The following FIGNL2 variants were observed in gnomAD, a reference collection of about 807,000 sequenced individuals.
FIGNL2 encodes the protein fidgetin like 2, also known as fidgetin-like protein 2.
For synonymous variants in FIGNL2, 565 were observed against 484.0 expected, an observed-to-expected ratio of 1.17 and a Z score of -2.20; for missense variants, 1,060 against 950.2, an observed-to-expected ratio of 1.12 and a Z score of -1.52.
intron 1 of FIGNL2, among the ~76,000 whole-genome samples, chr12:51,836,403 G>C (rs1268465302): frequency 6.6e-6 from 1 of 152,026 alleles, no homozygotes; most frequent in Non-Finnish European, 1.5e-5. Context: ...GGACAGATGG[G>C]GGCCAGCAGA....
chr12:51,843,669 G>A (rs1939698505), intron 1 of FIGNL2, among the ~76,000 whole-genome samples: 1 of 152,216 alleles, frequency 6.6e-6, no homozygotes, highest in Non-Finnish European at 1.5e-5. Context: ...AGGGGACAGA[G>A]GGAGGTATGC....
rs1361754693 is a variant in FIGNL2, at chr12:51,820,848, G to A, written c.1566C>T (p.Cys522=). ...CCAGCACGCCGTCAGCCCCCGCGCCGCAGCCCCCGTCCAGGCAGGCCAGGA... is the reference window on the plus strand; with the variant it reads ...CCAGCACGCCGTCAGCCCCCGCGCCACAGCCCCCGTCCAGGCAGGCCAGGA... ...VPLLACLDGG[C]GAGADGVLVV... Residue 522 remains cysteine, a synonymous_variant, in exon 2 of 2, where the codon TGC becomes TGT. Transcript: ENST00000618634. The A allele has an allele frequency of 7.6e-6, 11 of 1,454,328 alleles. No individual in the cohort carries two copies. Among genetic ancestry groups the A allele is most frequent in the East Asian group, 3.1e-5 (1 of 32,600 alleles). The allele number at this position is 1,454,328 out of a possible 1,614,324, so 90.1% of individuals were successfully genotyped here. A position where few individuals can be genotyped will look rare whatever the true frequency, so the allele number is the denominator to read the frequency against.
intron 1 of FIGNL2, among the ~76,000 whole-genome samples, chr12:51,830,850 G>A (rs867738726): frequency 6.6e-6 from 1 of 151,962 alleles, no homozygotes; most frequent in East Asian, 1.9e-4. Context: ...GTGCAGTGGC[G>A]AGATCACCAC....
chr12:51,834,679 C>T (rs572769430), intron 1 of FIGNL2, among the ~76,000 whole-genome samples: 119 of 152,326 alleles, frequency 7.8e-4, no homozygotes, highest in Non-Finnish European at 1.2e-3. Context: ...TCTGTGTACG[C>T]GTGCACACGC....
chr12:51,835,284 C>T (rs1343584663), intron 1 of FIGNL2: 1 of 152,224 alleles, frequency 6.6e-6, no homozygotes, highest in Non-Finnish European at 1.5e-5. Context: ...CTGCCATGCT[C>T]TCCTTGCATG....
chr12:51,843,857 T>G (rs1201747792), intron 1 of FIGNL2, among the ~76,000 whole-genome samples: 1 of 152,030 alleles, frequency 6.6e-6, no homozygotes, highest in Non-Finnish European at 1.5e-5. Flanking sequence ...GAGGATCACT[T>G]GAAGCCAGGA....
Position 51,820,267 on chromosome 12 carries a change from T to A in FIGNL2, c.*185A>T. ...ACCTGAGTACACGGCGCATATGGCATCTGCCTGGCAGAAGCATTTTCCTTC... is the reference window on the plus strand; with the variant it reads ...ACCTGAGTACACGGCGCATATGGCAACTGCCTGGCAGAAGCATTTTCCTTC... On this transcript the variant is annotated 3_prime_UTR_variant, in exon 2 of 2. Coordinates refer to ENST00000618634, the MANE Select transcript of FIGNL2 (RefSeq NM_001384995.1). 1 of 764,726 alleles carries A rather than the reference T, an allele frequency of 1.3e-6. No homozygotes were observed. Among genetic ancestry groups the A allele is most frequent in the Non-Finnish European group, 2.0e-6 (1 of 495,948 alleles). The allele number at this position is 764,726 out of a possible 1,614,324, so 47.4% of individuals were successfully genotyped here.
In FIGNL2 at chr12:51,819,863, A is replaced by C. The variant is rs1393931380; in HGVS notation, c.*589T>G. On this transcript the variant is annotated 3_prime_UTR_variant, in exon 2 of 2. Coordinates refer to ENST00000618634, the MANE Select transcript of FIGNL2 (RefSeq NM_001384995.1). ...CTCCTGCAAAGGGCCACTGCAGTCC[A>C]AATAAGAACAGAAGGCAGGGAAAGG... 6.4e-6 allele frequency: 1 copy of C among 155,602 alleles called. No homozygotes were observed. The highest frequency in any genetic ancestry group is 1.4e-5 in the Non-Finnish European group (1 of 70,322). 9.6% of individuals were successfully genotyped at this position (155,602 alleles called of 1,614,324 possible).
At position 51,824,244 on chromosome 12, in the gene FIGNL2, C is replaced by G. The variant is rs1204440866; in HGVS notation, c.-11-1820G>C. ...TACACTTTGAGTCCATAGAGAACACCAAGAAATGTTGGGTCACCAGAGCTT... is the reference window on the plus strand; with the variant it reads ...TACACTTTGAGTCCATAGAGAACACGAAGAAATGTTGGGTCACCAGAGCTT... On this transcript the variant is annotated intron_variant, in intron 1 of 1. Transcript: ENST00000618634. The G allele has an allele frequency of 3.3e-5, 5 of 152,150 alleles. 1 individual carries two copies. The highest frequency in any genetic ancestry group is 3.3e-4 in the Admixed American group (5 of 15,276). 9.4% of individuals were successfully genotyped at this position (152,150 alleles called of 1,614,324 possible). A position where few individuals can be genotyped will look rare whatever the true frequency, so the allele number is the denominator to read the frequency against.
At chr12:51,833,253 T>C (rs1939505804) in intron 1 of FIGNL2, among the ~76,000 whole-genome samples, 1 of 152,120 alleles carries the variant, frequency 6.6e-6, no homozygotes, top group African/African-American at 2.4e-5. Flanking sequence ...GGGGTCTCAC[T>C]GTGTTGTCCA....
At chr12:51,836,849 G>C (rs11169923) in intron 1 of FIGNL2, among the ~76,000 whole-genome samples, 37,564 of 152,032 alleles carry the variant, frequency 0.25, 6,027 homozygotes, top group Non-Finnish European at 0.35. Context: ...GGTCTGAGCA[G>C]GGTGGACACC....
Position 51,821,970 on chromosome 12 carries a change from C to A in FIGNL2, c.444G>T (p.Ala148=). 6.4e-7 allele frequency: 1 copy of A among 1,558,788 alleles called. No homozygotes were observed. Among genetic ancestry groups the A allele is most frequent in the African/African-American group, 1.4e-5 (1 of 73,356 alleles). Residue 148 remains alanine, a synonymous_variant, in exon 2 of 2, where the codon GCG becomes GCT. Transcript: ENST00000618634. ...NLPEPLYAGN[A]CGGPSAAPEY... is the part of the protein sequence containing the mutation. ...CGGGCGCCGCCGATGGGCCCCCGCA[C>A]GCATTGCCGGCGTAGAGGGGTTCAG...
chr12:51,833,951 G>A (rs568212355), intron 1 of FIGNL2, among the ~76,000 whole-genome samples: 9 of 149,734 alleles, frequency 6.0e-5, no homozygotes, highest in South Asian at 2.1e-4. Flanking sequence ...ATGGACAGAC[G>A]GACGGATGGA....
At chr12:51,847,784 C>G (rs1432789451) in intron 1 of FIGNL2, 8 of 985,218 alleles carry the variant, frequency 8.1e-6, no homozygotes, top group Admixed American at 6.1e-5. Flanking sequence ...TGCTAGCATG[C>G]GAATCTCTGT....
intron 1 of FIGNL2, among the ~76,000 whole-genome samples, chr12:51,834,630 C>A (rs556724906): frequency 6.6e-6 from 1 of 152,194 alleles, no homozygotes; most frequent in Non-Finnish European, 1.5e-5. Flanking sequence ...AGCAGGAGGT[C>A]GGCCTGGGAG....
At chr12:51,832,773 C>T (rs923062530) in intron 1 of FIGNL2, among the ~76,000 whole-genome samples, 1 of 152,168 alleles carries the variant, frequency 6.6e-6, no homozygotes, top group Admixed American at 6.5e-5. Context: ...TTTATTCAAC[C>T]TTCTTGCTGA....
chr12:51,821,110 C>T lies in FIGNL2; in HGVS notation c.1304G>A (p.Gly435Asp). The T allele has an allele frequency of 7.2e-7, 1 of 1,381,320 alleles. No individual in the cohort carries two copies. The highest frequency in any genetic ancestry group is 9.3e-7 in the Non-Finnish European group (1 of 1,078,574). The allele number at this position is 1,381,320 out of a possible 1,614,324, so 85.6% of individuals were successfully genotyped here. ...GCGGCCCAGCAGCGCTTTGCCCGCG[C>T]CCCGCGGCCCAAAGAGCAGGACGGT... is the stretch of plus-strand genomic sequence containing the variant. The part of the protein sequence containing the change: ...PRTVLLFGPR[G>D]AGKALLGRCL... The change falls in exon 2 of 2, where the codon GGC becomes GAC. Residue 435 changes from glycine (G) to aspartate (D), a missense_variant. Transcript: ENST00000618634.
intron 1 of FIGNL2, among the ~76,000 whole-genome samples, chr12:51,830,552 T>C (rs1159348566): frequency 6.4e-5 from 9 of 141,310 alleles, no homozygotes; most frequent in Middle Eastern, 3.7e-3. Context: ...AGTGCAGTGG[T>C]GCGATCTCGG....
At chr12:51,844,780 T>C in intron 1 of FIGNL2, 1 of 985,008 alleles carries the variant, frequency 1.0e-6, no homozygotes. Flanking sequence ...TAGTCAGAGA[T>C]GAGATGACCA....
Sources: gnomAD v4.1 joint callset for allele counts (sites outside exome capture counted in the v4.1 genomes callset) on GRCh38, gnomAD v4.1.1 for gene constraint, MANE v1.5 for transcripts, NCBI Gene and HGNC (gene_info 2026-07-23, HGNC 2026-07-21) for gene names.